DCP2: variants seen among roughly 807,000 people sequenced by gnomAD.
DCP2 encodes m7GpppN-mRNA hydrolase.
Under a neutral mutation model 56.1 loss-of-function variants are expected in DCP2, and 30 were observed. The ratio of observed to expected loss-of-function variants is 0.53; its 90% CI spans 0.40 to 0.73. The LOEUF (loss-of-function observed/expected upper bound fraction) is 0.73, where lower values mean the gene tolerates loss of function less well. Ranked by LOEUF, DCP2 falls within the 30% of genes least tolerant of loss-of-function variation. The probability of loss-of-function intolerance (pLI) is 0.00; values close to 1 mark genes in which losing one functional copy is unlikely to be tolerated. For missense variants in DCP2, 533 were observed against 502.7 expected, an observed-to-expected ratio of 1.06 and a Z score of -0.58; for synonymous variants, 197 against 163.3, an observed-to-expected ratio of 1.21 and a Z score of -1.57.
intron 1 of DCP2, among the ~76,000 whole-genome samples, chr5:112,985,277 GTCTT>G (rs1340177970): frequency 3.3e-5 from 5 of 151,918 alleles, no homozygotes; most frequent in Non-Finnish European, 7.4e-5. Flanking sequence ...AAAGAAATAT[GTCTT>G]TCCTTTCCCC....
chr5:113,013,528 T>G lies in DCP2; in HGVS notation c.*44T>G. 6.2e-7 allele frequency: 1 copy of G among 1,603,768 alleles called. No homozygotes were observed. Among genetic ancestry groups the G allele is most frequent in the Non-Finnish European group, 8.5e-7 (1 of 1,173,608 alleles). On this transcript the variant is annotated 3_prime_UTR_variant, in exon 11 of 11. Coordinates refer to ENST00000389063, the MANE Select transcript of DCP2 (RefSeq NM_152624.6). ...AAATGTCCCAGGATCAGAGACCTGT[T>G]GAATTTGAGTGGGTGTCTCCTCAAG... is the stretch of plus-strand genomic sequence containing the variant.
At chr5:112,983,423 TAG>T (rs1276089497) in intron 1 of DCP2, among the ~76,000 whole-genome samples, 1 of 152,100 alleles carries the variant, frequency 6.6e-6, no homozygotes, top group Non-Finnish European at 1.5e-5. Context: ...TTTAAAAAAA[TAG>T]AGACGGGGTC....
At chr5:112,999,574 C>A (rs940559053) in intron 4 of DCP2, among the ~76,000 whole-genome samples, 1 of 151,534 alleles carries the variant, frequency 6.6e-6, no homozygotes, top group African/African-American at 2.4e-5. Flanking sequence ...GATTAGCCTG[C>A]CTTGGCCTCC....
intron 2 of DCP2, among the ~76,000 whole-genome samples, chr5:112,988,848 T>TTA (rs1364160147): frequency 6.6e-6 from 1 of 152,236 alleles, no homozygotes; most frequent in Non-Finnish European, 1.5e-5. Context: ...TTGTATGGAC[T>TTA]TACAGCCCTT....
At chr5:113,006,609 A>G (rs906013185) in intron 8 of DCP2, among the ~76,000 whole-genome samples, 2 of 152,156 alleles carry the variant, frequency 1.3e-5, no homozygotes, top group African/African-American at 4.8e-5. Context: ...ATGTAAATTA[A>G]CATTCTTATT....
intron 8 of DCP2, among the ~76,000 whole-genome samples, chr5:113,005,151 G>GGGGTGTGTGTGTGTGTGTGT (rs140772660): frequency 3.5e-4 from 52 of 149,524 alleles, no homozygotes; most frequent in African/African-American, 1.1e-3. Flanking sequence ...TGTGCGTGTG[G>GGGGTGTGTGTGTGTGTGTGT]GTGTGTGTGT....
intron 9 of DCP2, 97 bp downstream of exon 9, chr5:113,008,139 T>G: frequency 3.9e-6 from 4 of 1,016,594 alleles, no homozygotes; most frequent in Non-Finnish European, 5.8e-6. Flanking sequence ...TGTTTTGTTC[T>G]TATTTTAATT....
At chr5:113,003,904 C>A in intron 7 of DCP2, 38 bp from the exon 8 acceptor site, 1 of 1,610,138 alleles carries the variant, frequency 6.2e-7, no homozygotes, top group Non-Finnish European at 8.5e-7. Flanking sequence ...TATAAGTGAA[C>A]ATTTTCTGAT....
rs1452345258 is a variant in DCP2 at position 113,016,777 on chromosome 5, A to G, written c.*3293A>G. 1 of 152,042 alleles carries G rather than the reference A, an allele frequency of 6.6e-6. No individual in the cohort carries two copies. Among genetic ancestry groups the G allele is most frequent in the Non-Finnish European group, 1.5e-5 (1 of 68,026 alleles). The allele number at this position is 152,042 out of a possible 1,614,324, so 9.4% of individuals were successfully genotyped here. ...CCAACAGTTAAATGGTAAGGAGAGCAAAGTTAATTATAAAAATTAGACATT... is the reference window on the plus strand; with the variant it reads ...CCAACAGTTAAATGGTAAGGAGAGCGAAGTTAATTATAAAAATTAGACATT... On this transcript the variant is annotated 3_prime_UTR_variant, in exon 11 of 11. Transcript: ENST00000389063.
chr5:113,011,960 CTAT>C (rs1010353042), intron 10 of DCP2, among the ~76,000 whole-genome samples: 1 of 152,136 alleles, frequency 6.6e-6, no homozygotes, highest in African/African-American at 2.4e-5. Flanking sequence ...ATTGAAGGGT[CTAT>C]TATTTCTCCT....
At chr5:112,981,578 G>A (rs1748006302) in intron 1 of DCP2, among the ~76,000 whole-genome samples, 1 of 152,180 alleles carries the variant, frequency 6.6e-6, no homozygotes, top group South Asian at 2.1e-4. Flanking sequence ...TTACAGTAGA[G>A]GCAAGTCTTC....
At chr5:112,996,751 T>C (rs1037074211) in intron 4 of DCP2, among the ~76,000 whole-genome samples, 1 of 152,222 alleles carries the variant, frequency 6.6e-6, no homozygotes. Context: ...ATTTCCAATC[T>C]TCTATTTGAC....
chr5:112,981,638 T>C (rs780726328), intron 1 of DCP2, among the ~76,000 whole-genome samples: 4 of 152,224 alleles, frequency 2.6e-5, no homozygotes, highest in Non-Finnish European at 5.9e-5. Flanking sequence ...CCTTTGTAAG[T>C]GTCTTGCAGA....
rs933790749 is a variant in DCP2 at position 113,017,809 on chromosome 5, T to C, written c.*4325T>C. 2 of 152,218 alleles carry C rather than the reference T, an allele frequency of 1.3e-5. No homozygotes were observed. Among genetic ancestry groups the C allele is most frequent in the African/African-American group, 4.8e-5 (2 of 41,448 alleles). The allele number at this position is 152,218 out of a possible 1,614,324, so 9.4% of individuals were successfully genotyped here. A position where few individuals can be genotyped will look rare whatever the true frequency, so the allele number is the denominator to read the frequency against. ...TCATTGCATGGCCTAAGTGTAGTCATTCATATATATATGAATATCTATATC... is the reference window on the plus strand; with the variant it reads ...TCATTGCATGGCCTAAGTGTAGTCACTCATATATATATGAATATCTATATC... On this transcript the variant is annotated 3_prime_UTR_variant, in exon 11 of 11. Transcript: ENST00000389063.
intron 10 of DCP2, 123 bp from the exon 11 acceptor site, chr5:113,013,198 G>A (rs1447241460): frequency 9.9e-7 from 1 of 1,010,070 alleles, no homozygotes; most frequent in African/African-American, 1.6e-5. Flanking sequence ...TCTGTTTAGG[G>A]TTAGAGTCTG....
At chr5:113,009,490 T>C (rs1026757585) in intron 9 of DCP2, among the ~76,000 whole-genome samples, 1 of 152,218 alleles carries the variant, frequency 6.6e-6, no homozygotes, top group African/African-American at 2.4e-5. Flanking sequence ...CAGTTGTGTA[T>C]TGAGTGTATT....
Position 113,010,742 on chromosome 5 carries a change from T to G in DCP2, c.1048-14T>G, listed in dbSNP as rs1749649999. On this transcript the variant is annotated splice_polypyrimidine_tract_variant and intron_variant, in intron 9 of 10. Transcript: ENST00000389063. Reference sequence around the variant, plus strand: ...GTATGTGTGTGTGTGTGTGTTTTTTTTTTTTTTAAATAGAAGTGTGAAAAG... The same window carrying G: ...GTATGTGTGTGTGTGTGTGTTTTTTGTTTTTTTAAATAGAAGTGTGAAAAG... 2 of 1,570,800 alleles carry G rather than the reference T, an allele frequency of 1.3e-6. No individual in the cohort carries two copies. Among genetic ancestry groups the G allele is most frequent in the African/African-American group, 2.8e-5 (2 of 72,080 alleles).
rs909623774 is a variant in DCP2, at chr5:113,015,647, C to T, written c.*2163C>T. On this transcript the variant is annotated 3_prime_UTR_variant, in exon 11 of 11. Coordinates refer to ENST00000389063, the MANE Select transcript of DCP2 (RefSeq NM_152624.6). ...ATGATAACTTCAGGCTTTTAGCTCT[C>T]CTCAAAGTTTGAGGTTAAAAAAATG... 4 of 152,544 alleles carry T rather than the reference C, an allele frequency of 2.6e-5. No individual in the cohort carries two copies. In the South Asian group the frequency reaches 8.3e-4, roughly 32 times the overall value. 9.4% of individuals were successfully genotyped at this position (152,544 alleles called of 1,614,324 possible). A position where few individuals can be genotyped will look rare whatever the true frequency, so the allele number is the denominator to read the frequency against.
In DCP2 at chr5:113,011,095, G is replaced by A. The variant is rs1049800028; in HGVS notation, c.1099+288G>A. Among the ~76,000 whole-genome samples, 3 of 152,126 alleles carry A rather than the reference G, an allele frequency of 2.0e-5. No individual in the cohort carries two copies. In the South Asian group the frequency reaches 6.2e-4, roughly 31 times the overall value. On this transcript the variant is annotated intron_variant, in intron 10 of 10. Coordinates refer to ENST00000389063, the MANE Select transcript of DCP2 (RefSeq NM_152624.6). Reference sequence around the variant, plus strand: ...CGTAAATAATTGCATAAGGATTTGGGGAGAGTAGAAAGAATCCAGTATTGT... The same window carrying A: ...CGTAAATAATTGCATAAGGATTTGGAGAGAGTAGAAAGAATCCAGTATTGT...
Sources: allele counts gnomAD v4.1 joint callset (sites outside exome capture counted in the v4.1 genomes callset), GRCh38; gene constraint gnomAD v4.1.1; transcripts MANE v1.5; gene names NCBI Gene and HGNC (gene_info 2026-07-23, HGNC 2026-07-21).